Variants in KREMEN1 observed in about 807,000 individuals in gnomAD.
The protein encoded by KREMEN1 is kremen protein 1.
A neutral mutation model predicts 46.5 loss-of-function variants in KREMEN1; 30 were observed. The observed-to-expected ratio is 0.65, with a 90% CI of 0.48 to 0.88. KREMEN1 has a LOEUF of 0.88. Among genes scored for constraint, KREMEN1 ranks in the 40% least tolerant of loss-of-function variants. The pLI is 0.00. For missense variants in KREMEN1, 533 were observed against 596.9 expected (o/e 0.89, Z 1.11); for synonymous variants, 214 against 230.6 (o/e 0.93, Z 0.65).
chr22:29,114,508 G>C (rs1467954547), intron 3 of KREMEN1, among the ~76,000 whole-genome samples: 1 of 91,486 alleles, frequency 1.1e-5, no homozygotes, highest in Non-Finnish European at 2.2e-5. Context: ...AAAAAAAAAG[G>C]AGCGGAAGAG....
At chr22:29,134,117 T>G in intron 5 of KREMEN1, 1 of 151,388 alleles carries the variant, frequency 6.6e-6, no homozygotes, top group East Asian at 1.9e-4. Flanking sequence ...CATTCTATAA[T>G]TAAAAAAAAA....
At chr22:29,125,114 G>T in intron 4 of KREMEN1, 149 bp from the exon 5 acceptor site, 1 of 745,214 alleles carries the variant, frequency 1.3e-6, no homozygotes, top group Non-Finnish European at 2.3e-6. Context: ...ATTAAGTGTT[G>T]CAAGAGTGGA....
rs199695028 is a variant in KREMEN1, at chr22:29,102,415, CT to C, written c.352+3463del. ...AAAATGAAAAACATCTCATTTGCCT[CT>C]AGTTATGTAAAGAAGAAAGAAGCAG... On this transcript the variant is annotated intron_variant, in intron 3 of 8. Transcript: ENST00000400335. Among the ~76,000 whole-genome samples the C allele has an allele frequency of 4.6e-5, 7 of 152,276 alleles. No homozygotes were observed. In the East Asian group the frequency reaches 9.6e-4, roughly 21 times the overall value.
intron 3 of KREMEN1, among the ~76,000 whole-genome samples, chr22:29,106,420 G>A (rs887066135): frequency 6.0e-5 from 9 of 150,648 alleles, no homozygotes; most frequent in Middle Eastern, 3.4e-3. Flanking sequence ...TAATAGAGAC[G>A]GGGTTTCACC....
intron 5 of KREMEN1, among the ~76,000 whole-genome samples, chr22:29,133,595 C>T (rs2038603040): frequency 6.6e-6 from 1 of 152,176 alleles, no homozygotes; most frequent in African/African-American, 2.4e-5. Context: ...GCCACCATGC[C>T]CAGACTGGTT....
At chr22:29,087,717 C>T (rs2037750507) in intron 1 of KREMEN1, among the ~76,000 whole-genome samples, 1 of 152,120 alleles carries the variant, frequency 6.6e-6, no homozygotes, top group African/African-American at 2.4e-5. Flanking sequence ...AGGAATGCAC[C>T]AACATGCTCG....
intron 9 of KREMEN1, among the ~76,000 whole-genome samples, chr22:29,151,917 G>A (rs2038917840): frequency 6.6e-6 from 1 of 151,832 alleles, no homozygotes; most frequent in Non-Finnish European, 1.5e-5. Context: ...GTCTGAGGCA[G>A]GAGAATTGCT....
chr22:29,137,608 T>A lies in KREMEN1; in HGVS notation c.898T>A (p.Phe300Ile). Residue 300 changes from phenylalanine (F) to isoleucine (I), a missense_variant, in exon 6 of 9, where the codon TTC becomes ATC. By Grantham distance (21) the Phe-to-Ile change is conservative. Transcript: ENST00000400335. ...TCTGTCCTTCAACGTCTCTCTGGAC[T>A]TCGTCATCTTGTATTTCTTCTCTGA... Reference protein sequence around the residue: ...PPLSFNVSLDFVILYFFSDRI... With the variant: ...PPLSFNVSLDIVILYFFSDRI... The A allele has an allele frequency of 6.2e-7, 1 of 1,612,710 alleles. No individual in the cohort carries two copies. The highest frequency in any genetic ancestry group is 8.5e-7 in the Non-Finnish European group (1 of 1,178,776).
intron 1 of KREMEN1, among the ~76,000 whole-genome samples, chr22:29,076,721 A>G (rs134598): frequency 0.75 from 113,518 of 152,008 alleles, 43,089 homozygotes; most frequent in African/African-American, 0.87. Flanking sequence ...GCATGGTGGC[A>G]CGTGCCTGTA....
Position 29,139,263 on chromosome 22 carries a change from A to G in KREMEN1, c.1123+481A>G, listed in dbSNP as rs1202731897. Among the ~76,000 whole-genome samples, 4 of 152,300 alleles carry G rather than the reference A, an allele frequency of 2.6e-5. No individual in the cohort carries two copies. In the East Asian group the frequency reaches 7.7e-4, roughly 29 times the overall value. The stretch of plus-strand genomic sequence containing the variant: ...GTGGCGTATAAATGAGAGGAGAAAG[A>G]TAGAAAGCAAAATAAAAATCAGATA... On this transcript the variant is annotated intron_variant, in intron 7 of 8. Coordinates refer to ENST00000400335, the MANE Select transcript of KREMEN1 (RefSeq NM_001039570.3).
intron 9 of KREMEN1, among the ~76,000 whole-genome samples, chr22:29,161,303 C>T (rs192357006): frequency 1.8e-4 from 28 of 151,550 alleles, no homozygotes; most frequent in South Asian, 6.3e-4. Context: ...GTCAGGAGAT[C>T]GAGACCATCC....
chr22:29,161,581 C>G, intron 9 of KREMEN1, among the ~76,000 whole-genome samples: 1 of 150,478 alleles, frequency 6.6e-6, no homozygotes, highest in East Asian at 1.9e-4. Context: ...TGCTTTGGAC[C>G]AGTTATATTT....
chr22:29,160,346 C>CA (rs1412253330), intron 9 of KREMEN1, among the ~76,000 whole-genome samples: 3 of 146,778 alleles, frequency 2.0e-5, no homozygotes, highest in Non-Finnish European at 4.5e-5. Context: ...GCCTGCCCAA[C>CA]ATGGTGAAAC....
chr22:29,165,894 G>T (rs1002340626), intron 9 of KREMEN1, among the ~76,000 whole-genome samples: 49 of 152,186 alleles, frequency 3.2e-4, no homozygotes, highest in African/African-American at 1.1e-3. Context: ...CTGGGAGGGC[G>T]CCCGTTAGCA....
At chr22:29,110,048 G>C (rs2038120953) in intron 3 of KREMEN1, among the ~76,000 whole-genome samples, 1 of 152,156 alleles carries the variant, frequency 6.6e-6, no homozygotes, top group African/African-American at 2.4e-5. Flanking sequence ...ATGTGTACTA[G>C]TTGTTTATTG....
intron 6 of KREMEN1, 60 bp from the exon 7 acceptor site, chr22:29,138,564 C>T (rs1020859506): frequency 1.8e-5 from 27 of 1,516,922 alleles, no homozygotes; most frequent in East Asian, 2.3e-5. Context: ...GCTCTCCTCC[C>T]GCACAACTCT....
At chr22:29,124,515 C>G (rs2038409652) in intron 4 of KREMEN1, among the ~76,000 whole-genome samples, 1 of 149,096 alleles carries the variant, frequency 6.7e-6, no homozygotes, top group Admixed American at 6.7e-5. Flanking sequence ...TTCTTTGAGA[C>G]AGAGTCTCAC....
intron 1 of KREMEN1, among the ~76,000 whole-genome samples, chr22:29,091,042 C>T (rs1569314569): frequency 1.3e-5 from 2 of 152,294 alleles, no homozygotes; most frequent in East Asian, 1.9e-4. Flanking sequence ...GGCACGATCT[C>T]GGCTCACCAC....
At position 29,142,278 on chromosome 22, in the gene KREMEN1, C is replaced by T. The variant is rs895968861; in HGVS notation, c.*166C>T. On this transcript the variant is annotated 3_prime_UTR_variant, in exon 9 of 9. Coordinates refer to ENST00000400335, the MANE Select transcript of KREMEN1 (RefSeq NM_001039570.3). ...AGACTAGGAAGAGGCACCCTGCTGC[C>T]AGGGCAGGCAGAGCCTGGATTCCTC... The T allele has an allele frequency of 7.5e-6, 10 of 1,328,974 alleles. No individual in the cohort carries two copies. The highest frequency in any genetic ancestry group is 8.6e-6 in the Non-Finnish European group (9 of 1,044,700). The allele number at this position is 1,328,974 out of a possible 1,614,324, so 82.3% of individuals were successfully genotyped here. A position where few individuals can be genotyped will look rare whatever the true frequency, so the allele number is the denominator to read the frequency against.
Sources: gnomAD v4.1 joint callset for allele counts (sites outside exome capture counted in the v4.1 genomes callset) on GRCh38, gnomAD v4.1.1 for gene constraint, MANE v1.5 for transcripts, NCBI Gene and HGNC (gene_info 2026-07-23, HGNC 2026-07-21) for gene names.